The following EHD4 variants were observed in gnomAD, a reference collection of about 807,000 sequenced individuals.
The protein encoded by EHD4 is EH domain containing 4.
A neutral mutation model predicts 51.0 loss-of-function variants in EHD4; 37 were observed. That is an observed-to-expected ratio of 0.73 (90% CI 0.56 to 0.95). EHD4 has a LOEUF of 0.95. Among genes scored for constraint, EHD4 ranks in the 40% least tolerant of loss-of-function variants. EHD4 has a pLI of 0.00. For missense variants in EHD4, 632 were observed against 733.1 expected (o/e 0.86, Z 1.59); for synonymous variants, 297 against 317.3 (o/e 0.94, Z 0.68).
chr15:41,947,724 C>A (rs1366464511), intron 2 of EHD4, among the ~76,000 whole-genome samples: 1 of 152,242 alleles, frequency 6.6e-6, no homozygotes, highest in Non-Finnish European at 1.5e-5. Flanking sequence ...CAGATTACAG[C>A]AAAGCCCCTG....
At chr15:41,936,452 G>A (rs1161435482) in intron 3 of EHD4, among the ~76,000 whole-genome samples, 1 of 152,086 alleles carries the variant, frequency 6.6e-6, no homozygotes. Flanking sequence ...GAGAGTATTA[G>A]CTATTATTAT....
chr15:41,962,371 T>C (rs948689923), intron 1 of EHD4, among the ~76,000 whole-genome samples: 42 of 152,036 alleles, frequency 2.8e-4, no homozygotes, highest in African/African-American at 9.7e-4. Context: ...TATTTCAAAG[T>C]GACAATATTT....
chr15:41,952,947 G>A (rs1043670094), intron 2 of EHD4, among the ~76,000 whole-genome samples: 3 of 128,908 alleles, frequency 2.3e-5, no homozygotes, highest in African/African-American at 8.7e-5. Flanking sequence ...CGGAGATCAT[G>A]CCACTGCACT....
intron 1 of EHD4, 83 bp downstream of exon 1, chr15:41,972,176 C>T: frequency 8.0e-7 from 1 of 1,246,236 alleles, no homozygotes; most frequent in Non-Finnish European, 1.0e-6. Flanking sequence ...CCGGGAGGGG[C>T]AGCGGCGGGA....
chr15:41,931,363 A>G (rs1015891817), intron 3 of EHD4, among the ~76,000 whole-genome samples: 20 of 152,072 alleles, frequency 1.3e-4, no homozygotes, highest in African/African-American at 3.9e-4. Context: ...AATGCAAAAC[A>G]TTAGCTGGGC....
At chr15:41,922,019 T>A (rs1030999035) in intron 3 of EHD4, among the ~76,000 whole-genome samples, 2 of 152,208 alleles carry the variant, frequency 1.3e-5, no homozygotes, top group African/African-American at 4.8e-5. Flanking sequence ...TTCCCATTAA[T>A]CCTGTGACAA....
At position 41,921,001 on chromosome 15, in the gene EHD4, G is replaced by T. The variant is rs142151041; in HGVS notation, c.512-1379C>A. Among the ~76,000 whole-genome samples the T allele has an allele frequency of 4.2e-3, 641 of 152,290 alleles. 6 individuals are homozygous for T. Among genetic ancestry groups the T allele is most frequent in the African/African-American group, 0.015 (608 of 41,566 alleles). ...ATCTGAGGTGAATAATCTATTAGGT[G>T]AAAATAAAGAGGGTCTGCGGACTAA... is the stretch of plus-strand genomic sequence containing the variant. On this transcript the variant is annotated intron_variant, in intron 3 of 5. Transcript: ENST00000220325.
intron 2 of EHD4, among the ~76,000 whole-genome samples, chr15:41,943,761 A>G (rs1761846244): frequency 6.6e-6 from 1 of 152,192 alleles, no homozygotes; most frequent in Non-Finnish European, 1.5e-5. Context: ...CCTATTTCCT[A>G]GCATGAAAGC....
At chr15:41,964,319 T>C (rs1430760246) in intron 1 of EHD4, among the ~76,000 whole-genome samples, 2 of 151,964 alleles carry the variant, frequency 1.3e-5, no homozygotes, top group African/African-American at 4.8e-5. Flanking sequence ...TCTGGCTGAG[T>C]GCCCCATGGC....
At chr15:41,934,376 G>A (rs1205617013) in intron 3 of EHD4, among the ~76,000 whole-genome samples, 1 of 151,296 alleles carries the variant, frequency 6.6e-6, no homozygotes, top group African/African-American at 2.4e-5. Flanking sequence ...GAGTACAGTG[G>A]CACAATTATA....
At chr15:41,917,119 ATTTATTT>A (rs2067590225) in intron 4 of EHD4, among the ~76,000 whole-genome samples, 1 of 150,232 alleles carries the variant, frequency 6.7e-6, no homozygotes, top group African/African-American at 2.4e-5. Flanking sequence ...TTATTTATTT[ATTTATTT>A]ATTTATTTAT....
At chr15:41,912,846 G>A (rs1304091585) in intron 4 of EHD4, among the ~76,000 whole-genome samples, 1 of 152,188 alleles carries the variant, frequency 6.6e-6, no homozygotes, top group Non-Finnish European at 1.5e-5. Flanking sequence ...CAGCTAGTTG[G>A]TAGATACAGA....
At chr15:41,904,508 A>T (rs2067500035) in intron 5 of EHD4, among the ~76,000 whole-genome samples, 1 of 152,146 alleles carries the variant, frequency 6.6e-6, no homozygotes, top group Admixed American at 6.5e-5. Context: ...ACACTGGGGA[A>T]CTTAAAGGTA....
intron 3 of EHD4, among the ~76,000 whole-genome samples, chr15:41,933,915 G>A (rs761632761): frequency 2.6e-5 from 4 of 152,082 alleles, no homozygotes; most frequent in Non-Finnish European, 5.9e-5. Flanking sequence ...CCTGTCAGAC[G>A]CCCATGAGGC....
At chr15:41,910,907 A>T (rs1187457173) in intron 4 of EHD4, among the ~76,000 whole-genome samples, 1 of 152,234 alleles carries the variant, frequency 6.6e-6, no homozygotes, top group Admixed American at 6.5e-5. Flanking sequence ...TTGTGAAGTC[A>T]AGTAAGTAAC....
intron 4 of EHD4, among the ~76,000 whole-genome samples, chr15:41,916,999 C>G (rs115234746): frequency 0.025 from 3,771 of 152,288 alleles, 168 homozygotes; most frequent in African/African-American, 0.087. Context: ...CCTCCAAACC[C>G]AGGCCGCGCT....
chr15:41,953,672 C>T, intron 2 of EHD4, 92 bp downstream of exon 2: 1 of 1,349,476 alleles, frequency 7.4e-7, no homozygotes, highest in Non-Finnish European at 1.0e-6. Flanking sequence ...ATTCTTTGTT[C>T]TTCTGTTTTT....
At chr15:41,965,764 G>A (rs1315131542) in intron 1 of EHD4, among the ~76,000 whole-genome samples, 4 of 152,190 alleles carry the variant, frequency 2.6e-5, no homozygotes, top group Non-Finnish European at 4.4e-5. Context: ...GCTTCTGAAT[G>A]TGAGTTAGGG....
intron 2 of EHD4, among the ~76,000 whole-genome samples, chr15:41,945,775 G>A (rs532840464): frequency 2.6e-5 from 4 of 152,350 alleles, no homozygotes; most frequent in African/African-American, 9.6e-5. Flanking sequence ...CTCTGAGAAA[G>A]GGAGGCGCAC....
Sources: allele counts gnomAD v4.1 joint callset (sites outside exome capture counted in the v4.1 genomes callset), GRCh38; gene constraint gnomAD v4.1.1; transcripts MANE v1.5; gene names NCBI Gene and HGNC (gene_info 2026-07-23, HGNC 2026-07-21).